The following MFHAS1 variants were observed in gnomAD, a reference collection of about 807,000 sequenced individuals.
The protein encoded by MFHAS1 is multifunctional ROCO family signaling regulator 1.
MFHAS1 carries 50 observed loss-of-function variants against 70.4 expected under a neutral mutation model. That is an observed-to-expected ratio of 0.71 (90% CI 0.57 to 0.90). MFHAS1 has a LOEUF of 0.90. Ranked by LOEUF, MFHAS1 falls within the 40% of genes least tolerant of loss-of-function variation. The pLI, the probability that MFHAS1 is intolerant of heterozygous loss-of-function variation, is 0.00. For missense variants in MFHAS1, 1,795 were observed against 1,347.6 expected (o/e 1.33, Z -5.20); for synonymous variants, 952 against 620.0 (o/e 1.54, Z -7.96).
chr8:8,787,169 C>T (rs1240690839), intron 2 of MFHAS1, among the ~76,000 whole-genome samples: 2 of 151,956 alleles, frequency 1.3e-5, no homozygotes, highest in Non-Finnish European at 2.9e-5. Context: ...CAAGCTCCGC[C>T]TCCTGGGTTC....
At chr8:8,820,376 G>A (rs188690815) in intron 1 of MFHAS1, among the ~76,000 whole-genome samples, 2 of 152,084 alleles carry the variant, frequency 1.3e-5, no homozygotes, top group Admixed American at 1.3e-4. Context: ...TTTTTGTGTT[G>A]ATTTCTTTTC....
At chr8:8,832,086 A>ACACACG (rs1447418635) in intron 1 of MFHAS1, among the ~76,000 whole-genome samples, 4 of 151,602 alleles carry the variant, frequency 2.6e-5, no homozygotes, top group South Asian at 2.1e-4. Context: ...ACACACACAC[A>ACACACG]CACGCACCAA....
chr8:8,893,023 C>G lies in MFHAS1; in HGVS notation c.36G>C (p.Ala12=), dbSNP rs1422896093. The part of the protein sequence containing the change: ...AGMDSGNLKT[A]RLWRDAALRA... ...GCAGGGCGGCGTCCCGCCACAGCCT[C>G]GCGGTCTTCAGGTTGCCACTGTCCA... Residue 12 remains alanine (A), a synonymous_variant, in exon 1 of 3, where the codon GCG becomes GCC. Coordinates refer to ENST00000276282, the MANE Select transcript of MFHAS1 (RefSeq NM_004225.3). 7 of 1,536,810 alleles carry G rather than the reference C, an allele frequency of 4.6e-6. No individual in the cohort carries two copies. The Admixed American group carries it at 1.4e-4, about 30-fold the overall frequency.
Position 8,893,062 on chromosome 8 carries a change from G to T in MFHAS1, c.-4C>A. On this transcript the variant is annotated 5_prime_UTR_variant, in exon 1 of 3. Transcript: ENST00000276282. ...TGCCACTGTCCATCCCAGCCATGGC[G>T]GGGCCCCGGGCCGACAGCCTCACGC... The T allele has an allele frequency of 6.7e-7, 1 of 1,486,934 alleles. No homozygotes were observed. Among genetic ancestry groups the T allele is most frequent in the Non-Finnish European group, 8.9e-7 (1 of 1,126,696 alleles). The allele number at this position is 1,486,934 out of a possible 1,614,324, so 92.1% of individuals were successfully genotyped here.
At chr8:8,853,255 T>G (rs1460243473) in intron 1 of MFHAS1, among the ~76,000 whole-genome samples, 1 of 151,882 alleles carries the variant, frequency 6.6e-6, no homozygotes, top group Admixed American at 6.6e-5. Context: ...TTTGTCACAG[T>G]TTGCTCGGAA....
rs570279307 is a variant in MFHAS1, at chr8:8,889,323, G to C, written c.2998+738C>G. Among the ~76,000 whole-genome samples the C allele has an allele frequency of 2.0e-5, 3 of 152,312 alleles. No individual in the cohort carries two copies. In the South Asian group the frequency reaches 6.2e-4, roughly 32 times the overall value. On this transcript the variant is annotated intron_variant, in intron 1 of 2. Transcript: ENST00000276282. Reference sequence around the variant, plus strand: ...TCATCTATCTTCCATGTCCCTGAGTGGGCGGAGGGGAGCAGCAGCCCCAGG... The same window carrying C: ...TCATCTATCTTCCATGTCCCTGAGTCGGCGGAGGGGAGCAGCAGCCCCAGG...
chr8:8,872,887 C>T (rs746254374), intron 1 of MFHAS1, among the ~76,000 whole-genome samples: 6 of 152,146 alleles, frequency 3.9e-5, no homozygotes, highest in African/African-American at 1.4e-4. Flanking sequence ...AGAGGCTTAA[C>T]AAATACATTC....
intron 1 of MFHAS1, among the ~76,000 whole-genome samples, chr8:8,843,293 G>T (rs956131467): frequency 7.5e-6 from 1 of 132,520 alleles, no homozygotes; most frequent in Non-Finnish European, 1.6e-5. Context: ...AAAAAAGAAA[G>T]CGAAAGAGGG....
At chr8:8,869,706 C>G (rs1418625026) in intron 1 of MFHAS1, among the ~76,000 whole-genome samples, 1 of 152,170 alleles carries the variant, frequency 6.6e-6, no homozygotes, top group African/African-American at 2.4e-5. Context: ...TTAAAACATG[C>G]TGCAGTCTTC....
chr8:8,828,801 A>G (rs916884758), intron 1 of MFHAS1, among the ~76,000 whole-genome samples: 2 of 152,228 alleles, frequency 1.3e-5, no homozygotes, highest in Non-Finnish European at 2.9e-5. Context: ...GCATTGAGCA[A>G]AAGTGGAGAA....
At chr8:8,883,973 G>A (rs985869671) in intron 1 of MFHAS1, among the ~76,000 whole-genome samples, 1 of 150,376 alleles carries the variant, frequency 6.6e-6, no homozygotes, top group Non-Finnish European at 1.5e-5. Flanking sequence ...TGAGTGGGGA[G>A]GACCATTTGA....
chr8:8,822,847 C>A (rs1048559739), intron 1 of MFHAS1, among the ~76,000 whole-genome samples: 2 of 151,958 alleles, frequency 1.3e-5, no homozygotes, highest in African/African-American at 2.4e-5. Flanking sequence ...GGACAGGAAC[C>A]AAGTCAGGGG....
Position 8,892,597 on chromosome 8 carries a change from C to T in MFHAS1, c.462G>A (p.Leu154=). ...HNQLPALPAQ[L]GALAHLEELD... ...GCTCCTCCAGGTGAGCGAGAGCGCC[C>T]AGCTGGGCGGGCAGGGCGGGCAGCT... The change falls in exon 1 of 3, where the codon CTG becomes CTA. Residue 154 remains leucine, a synonymous_variant. Coordinates refer to ENST00000276282, the MANE Select transcript of MFHAS1 (RefSeq NM_004225.3). This position sits in a 1 kb window ranked among gnomAD's most constrained non-coding sequence, Gnocchi z 4.7. 1.2e-6 allele frequency: 2 copies of T among 1,608,120 alleles called. No individual in the cohort carries two copies. The highest frequency in any genetic ancestry group is 1.7e-5 in the Admixed American group (1 of 59,118).
chr8:8,873,630 T>C (rs1231515437), intron 1 of MFHAS1, among the ~76,000 whole-genome samples: 1 of 152,094 alleles, frequency 6.6e-6, no homozygotes, highest in East Asian at 1.9e-4. Flanking sequence ...AAGAAACATT[T>C]CCTGTGCAGA....
At position 8,791,124 on chromosome 8, in the gene MFHAS1, C is replaced by CA. The variant is rs1563174911; in HGVS notation, c.3126-5070_3126-5069insT. Among the ~76,000 whole-genome samples the CA allele has an allele frequency of 9.6e-3, 1,232 of 128,442 alleles. 18 individuals are homozygous for CA. The highest frequency in any genetic ancestry group is 0.042 in the African/African-American group (1,186 of 28,382). The allele number at this position is 128,442 out of a possible 152,430, so 84.3% of individuals were successfully genotyped here. ...ACCATTTTCAAACCACCACCCCACC[C>CA]GTTTTTTTTTTTTTTTTTTGCTAAT... On this transcript the variant is annotated intron_variant, in intron 2 of 2. Coordinates refer to ENST00000276282, the MANE Select transcript of MFHAS1 (RefSeq NM_004225.3).
At chr8:8,828,488 G>A (rs955327713) in intron 1 of MFHAS1, among the ~76,000 whole-genome samples, 1 of 152,080 alleles carries the variant, frequency 6.6e-6, no homozygotes, top group Non-Finnish European at 1.5e-5. Flanking sequence ...ATCTTAGGCC[G>A]TCTTCACAGA....
chr8:8,801,344 G>T (rs2117265465), intron 1 of MFHAS1, among the ~76,000 whole-genome samples: 1 of 152,340 alleles, frequency 6.6e-6, no homozygotes, highest in South Asian at 2.1e-4. Flanking sequence ...CTTATCTCTA[G>T]CAGGACTGCC....
At chr8:8,883,613 C>T (rs889510286) in intron 1 of MFHAS1, among the ~76,000 whole-genome samples, 14 of 143,658 alleles carry the variant, frequency 9.7e-5, no homozygotes, top group Admixed American at 9.7e-4. Flanking sequence ...GAGGCTGAGG[C>T]AGGAGAATCA....
chr8:8,890,503 G>A lies in MFHAS1; in HGVS notation c.2556C>T (p.Cys852=), dbSNP rs931993754. The A allele has an allele frequency of 6.2e-7, 1 of 1,613,560 alleles. No homozygotes were observed. The highest frequency in any genetic ancestry group is 1.3e-5 in the African/African-American group (1 of 74,946). The change falls in exon 1 of 3, where the codon TGC becomes TGT. Residue 852 remains cysteine, a synonymous_variant. Transcript: ENST00000276282. ...CATGGGGCACCTCGTTCTGCACATA[G>A]CATGGGAACTTGTACCAAGCTGTGG... ...NGSTAWYKFP[C]YVQNEVPHAE...
Sources: allele counts gnomAD v4.1 joint callset (sites outside exome capture counted in the v4.1 genomes callset), GRCh38; gene constraint gnomAD v4.1.1; non-coding constraint Gnocchi (gnomAD v3.1); transcripts MANE v1.5; gene names NCBI Gene and HGNC (gene_info 2026-07-23, HGNC 2026-07-21).